NADK: variants seen among roughly 807,000 people sequenced by gnomAD.
NADK encodes NAD kinase.
In NADK, 22 loss-of-function variants were observed where a neutral mutation model predicts 49.8. The ratio of observed to expected loss-of-function variants is 0.44; its 90% CI spans 0.32 to 0.63. NADK has a LOEUF of 0.63. NADK is among the 30% of genes least tolerant of loss of function. NADK has a pLI of 0.06. For synonymous variants in NADK, 268 were observed against 253.7 expected, an observed-to-expected ratio of 1.06 and a Z score of -0.54; for missense variants, 438 against 609.4, an observed-to-expected ratio of 0.72 and a Z score of 2.96.
At chr1:1,776,438 T>A (rs1646211874) in intron 1 of NADK, among the ~76,000 whole-genome samples, 1 of 149,536 alleles carries the variant, frequency 6.7e-6, no homozygotes, top group South Asian at 2.1e-4. Context: ...TGAAACAACA[T>A]AAACCCACCT....
Position 1,756,245 on chromosome 1 carries a change from G to C in NADK, c.585+13C>G. 1 of 1,612,542 alleles carries C rather than the reference G, an allele frequency of 6.2e-7. No individual in the cohort carries two copies. The highest frequency in any genetic ancestry group is 8.5e-7 in the Non-Finnish European group (1 of 1,178,600). ...TAGAACCTGGTGTGGGTCTGGAAAT[G>C]TCAGCGCTTCACCTGGAAAAGCGAG... is the stretch of plus-strand genomic sequence containing the variant. On this transcript the variant is annotated intron_variant, in intron 6 of 11. Coordinates refer to ENST00000341426, the MANE Select transcript of NADK (RefSeq NM_023018.5).
At chr1:1,757,099 G>C (rs1004426272) in intron 4 of NADK, 82 bp downstream of exon 4, 16 of 1,537,058 alleles carry the variant, frequency 1.0e-5, no homozygotes, top group Non-Finnish European at 1.4e-5. Flanking sequence ...TGGTTCCCAT[G>C]GTCTCACGGG....
At chr1:1,778,793 C>T (rs1646293006), upstream of NADK, 1 of 152,072 alleles carries the variant, frequency 6.6e-6, no homozygotes, top group African/African-American at 2.4e-5. This position sits in a 1 kb window ranked among gnomAD's most constrained non-coding sequence, Gnocchi z 4.9. Context: ...ACGTCTACGC[C>T]TAGGCGCCCC....
intron 1 of NADK, among the ~76,000 whole-genome samples, chr1:1,773,869 A>G (rs1646132242): frequency 6.6e-6 from 1 of 151,950 alleles, no homozygotes. Flanking sequence ...CATGTAGCTG[A>G]GACTACAGGC....
chr1:1,763,945 G>A (rs532118400), intron 2 of NADK, among the ~76,000 whole-genome samples: 1 of 152,330 alleles, frequency 6.6e-6, no homozygotes, highest in Non-Finnish European at 1.5e-5. Flanking sequence ...TGTTCACGCA[G>A]TCACTGCGCT....
At chr1:1,768,427 A>G (rs894207968) in intron 1 of NADK, among the ~76,000 whole-genome samples, 2 of 152,156 alleles carry the variant, frequency 1.3e-5, no homozygotes, top group Non-Finnish European at 2.9e-5. Context: ...ACAGTGGTGC[A>G]TGCCTGCAGT....
intron 3 of NADK, among the ~76,000 whole-genome samples, chr1:1,758,826 C>T (rs1488094808): frequency 2.0e-5 from 3 of 152,222 alleles, no homozygotes; most frequent in Non-Finnish European, 4.4e-5. Context: ...GTTCCCGTGG[C>T]CTCAGACCTG....
rs1416539233 is a variant in NADK, at chr1:1,754,465, T to A, written c.843+79A>T. The A allele has an allele frequency of 1.2e-6, 2 of 1,604,290 alleles. No individual in the cohort carries two copies. Among genetic ancestry groups the A allele is most frequent in the African/African-American group, 2.7e-5 (2 of 74,660 alleles). On this transcript the variant is annotated intron_variant, in intron 8 of 11. Transcript: ENST00000341426. This position sits in a 1 kb window ranked among gnomAD's most constrained non-coding sequence, Gnocchi z 4.3. The stretch of plus-strand genomic sequence containing the variant: ...CACCCTCCGTCTCACCCAGCCGGGC[T>A]CTCCGGAAGGTCCTCATCCCTGGGA...
At chr1:1,753,695 G>C (rs1490687887) in intron 10 of NADK, 46 bp from the exon 11 acceptor site, 2 of 1,524,764 alleles carry the variant, frequency 1.3e-6, no homozygotes, top group Non-Finnish European at 1.8e-6. Context: ...CTGTGGGGAG[G>C]ACGCTTCTAG....
chr1:1,759,275 C>T lies in NADK; in HGVS notation c.264-1965G>A, dbSNP rs966568302. The T allele has an allele frequency of 5.2e-6, 8 of 1,540,902 alleles. No individual in the cohort carries two copies. In the African/African-American group the frequency reaches 5.5e-5, roughly 11 times the overall value. On this transcript the variant is annotated intron_variant, in intron 3 of 11. Coordinates refer to ENST00000341426, the MANE Select transcript of NADK (RefSeq NM_023018.5). Reference sequence around the variant, plus strand: ...AGCAGGACACCAGCCCTTGCAGGCACGCACGGCTGTGGGTACTGCACGGAG... The same window carrying T: ...AGCAGGACACCAGCCCTTGCAGGCATGCACGGCTGTGGGTACTGCACGGAG...
At chr1:1,766,658 A>T (rs565358296) in intron 1 of NADK, among the ~76,000 whole-genome samples, 21 of 151,696 alleles carry the variant, frequency 1.4e-4, no homozygotes, top group African/African-American at 4.8e-4. Flanking sequence ...TGAGGATAGA[A>T]AACCTCACCC....
chr1:1,753,768 A>T, intron 10 of NADK, 119 bp from the exon 11 acceptor site: 1 of 958,324 alleles, frequency 1.0e-6, no homozygotes, highest in Non-Finnish European at 1.6e-6. Flanking sequence ...TGCCTTGCGG[A>T]CGGTGCAGTG....
At chr1:1,776,720 C>CTATAATCATGCCA (rs1646221878) in intron 1 of NADK, among the ~76,000 whole-genome samples, 1 of 147,110 alleles carries the variant, frequency 6.8e-6, no homozygotes. Flanking sequence ...TTGCAGTGAG[C>CTATAATCATGCCA]CGAGATTGTG....
intron 2 of NADK, among the ~76,000 whole-genome samples, chr1:1,763,259 C>T (rs1485799696): frequency 1.3e-5 from 2 of 152,130 alleles, no homozygotes; most frequent in Non-Finnish European, 2.9e-5. Flanking sequence ...CCAAGGCAGG[C>T]GGATCACGAG....
rs777429149 is a variant in NADK at position 1,753,567 on chromosome 1, CTG to C, written c.1182_1183del (p.Asp394GlufsTer25). 1 of 1,611,638 alleles carries C rather than the reference CTG, an allele frequency of 6.2e-7. No individual in the cohort carries two copies. Among genetic ancestry groups the C allele is most frequent in the South Asian group, 1.1e-5 (1 of 90,584 alleles). ...GCCCAGCCCGGCATGCAGCCCACAC[CTG>C]TCTCCATGGCGGATCTCTTGTCTCT... On this transcript the variant is annotated frameshift_variant and splice_region_variant, in exon 11 of 12. Transcript: ENST00000341426. LOFTEE classifies it high-confidence loss of function.
At chr1:1,758,609 G>A (rs1645611957) in intron 3 of NADK, 4 of 1,471,024 alleles carry the variant, frequency 2.7e-6, no homozygotes, top group Non-Finnish European at 2.7e-6. Context: ...ACACAATTGT[G>A]ATGAGACTTG....
intron 3 of NADK, chr1:1,759,967 G>C (rs1307024144): frequency 4.0e-6 from 6 of 1,509,630 alleles, no homozygotes; most frequent in Middle Eastern, 1.7e-4. Flanking sequence ...TGGGGTGCCA[G>C]GGACACAGCA....
intron 3 of NADK, among the ~76,000 whole-genome samples, chr1:1,760,416 G>A (rs1161941156): frequency 2.0e-5 from 3 of 152,310 alleles, no homozygotes; most frequent in South Asian, 2.1e-4. Context: ...GCAGCTCCTC[G>A]GATGACTCCC....
chr1:1,763,155 G>A (rs1404460193), intron 2 of NADK, among the ~76,000 whole-genome samples: 2 of 152,252 alleles, frequency 1.3e-5, no homozygotes, highest in East Asian at 1.9e-4. Context: ...GTGGCCATCA[G>A]TGGTCACGGA....
Sources: gnomAD v4.1 joint callset for allele counts (sites outside exome capture counted in the v4.1 genomes callset) on GRCh38, gnomAD v4.1.1 for gene constraint, Gnocchi (gnomAD v3.1) non-coding constraint, MANE v1.5 for transcripts, NCBI Gene and HGNC (gene_info 2026-07-23, HGNC 2026-07-21) for gene names.